The following METAP1 variants were observed in gnomAD, a reference collection of about 807,000 sequenced individuals.
The protein encoded by METAP1 is methionine aminopeptidase 1.
A neutral mutation model predicts 53.8 loss-of-function variants in METAP1; 28 were observed. That is an observed-to-expected ratio of 0.52 (90% CI 0.39 to 0.71). The LOEUF is 0.71. Ranked by LOEUF, METAP1 falls within the 30% of genes least tolerant of loss-of-function variation. METAP1 has a pLI of 0.00. For synonymous variants in METAP1, 181 were observed against 165.7 expected, an observed-to-expected ratio of 1.09 and a Z score of -0.71; for missense variants, 389 against 479.8, an observed-to-expected ratio of 0.81 and a Z score of 1.77.
At chr4:99,050,330 G>A (rs776385375) in intron 9 of METAP1, among the ~76,000 whole-genome samples, 53 of 152,208 alleles carry the variant, frequency 3.5e-4, no homozygotes, top group Non-Finnish European at 7.2e-4. Context: ...CAGAAGAATG[G>A]CATAATGAAG....
At chr4:99,008,717 G>A (rs1247865453) in intron 1 of METAP1, among the ~76,000 whole-genome samples, 1 of 152,138 alleles carries the variant, frequency 6.6e-6, no homozygotes, top group African/African-American at 2.4e-5. Context: ...CTATGTCTTG[G>A]TAGTGGTGTG....
intron 8 of METAP1, among the ~76,000 whole-genome samples, chr4:99,045,823 A>G (rs1195151757): frequency 6.6e-6 from 1 of 152,254 alleles, no homozygotes; most frequent in Admixed American, 6.5e-5. Flanking sequence ...AAATGGAATC[A>G]TAATATTTTT....
intron 1 of METAP1, among the ~76,000 whole-genome samples, chr4:99,011,103 A>G (rs1723444511): frequency 6.6e-6 from 1 of 152,018 alleles, no homozygotes; most frequent in South Asian, 2.1e-4. Context: ...TCATCTGTGA[A>G]CAGAGATAAT....
chr4:99,023,079 C>A (rs939800166), intron 1 of METAP1: 45 of 1,299,970 alleles, frequency 3.5e-5, no homozygotes, highest in Non-Finnish European at 4.6e-5. Context: ...TCTGGTCTGT[C>A]CCTTCCAGCG....
chr4:99,035,433 A>C lies in METAP1; in HGVS notation c.313A>C (p.Arg105=), dbSNP rs1044508252. Residue 105 remains arginine, a synonymous_variant, in exon 4 of 11, where the codon AGA becomes CGA. Transcript: ENST00000296411. ...AAGGCCAGTGCCAAGTTATATTCAAAGACCAGATTATGCTGATCATCCCTT... is the reference window on the plus strand; with the variant it reads ...AAGGCCAGTGCCAAGTTATATTCAACGACCAGATTATGCTGATCATCCCTT... ...PTRPVPSYIQ[R]PDYADHPLGM... The C allele has an allele frequency of 1.7e-5, 26 of 1,548,896 alleles. No individual in the cohort carries two copies. The African/African-American group carries it at 2.6e-4, about 16-fold the overall frequency.
At chr4:99,017,833 A>G (rs1447140310) in intron 1 of METAP1, among the ~76,000 whole-genome samples, 1 of 152,246 alleles carries the variant, frequency 6.6e-6, no homozygotes, top group African/African-American at 2.4e-5. Flanking sequence ...GGGGACAGCC[A>G]CTGGCAACTG....
chr4:98,997,080 A>T (rs1171380436), intron 1 of METAP1, among the ~76,000 whole-genome samples: 2 of 152,206 alleles, frequency 1.3e-5, no homozygotes, highest in African/African-American at 4.8e-5. Flanking sequence ...AAAGTCCTTT[A>T]TTTTTTAAAG....
intron 1 of METAP1, among the ~76,000 whole-genome samples, chr4:98,997,177 T>G (rs112431785): frequency 0.021 from 3,133 of 152,324 alleles, 53 homozygotes; most frequent in Non-Finnish European, 0.032. Flanking sequence ...ATAATAAAAG[T>G]GTTTTCCAAC....
At chr4:99,044,702 T>A (rs1173550315) in intron 7 of METAP1, among the ~76,000 whole-genome samples, 1 of 152,072 alleles carries the variant, frequency 6.6e-6, no homozygotes, top group Non-Finnish European at 1.5e-5. Flanking sequence ...AAGAGAAGAA[T>A]GAATATTCAC....
At chr4:99,058,774 G>A (rs1727328211) in intron 10 of METAP1, among the ~76,000 whole-genome samples, 2 of 152,248 alleles carry the variant, frequency 1.3e-5, no homozygotes, top group African/African-American at 2.4e-5. Flanking sequence ...CTGCATGCCA[G>A]GAGGCTGGGG....
At chr4:99,052,351 T>A (rs928448260) in intron 9 of METAP1, among the ~76,000 whole-genome samples, 6 of 152,182 alleles carry the variant, frequency 3.9e-5, no homozygotes, top group African/African-American at 1.4e-4. Flanking sequence ...GGTAGAATTC[T>A]TGTTAGAACC....
At chr4:99,022,717 A>T (rs969986916) in intron 1 of METAP1, 2 of 1,533,980 alleles carry the variant, frequency 1.3e-6, no homozygotes, top group Non-Finnish European at 8.9e-7. Flanking sequence ...ATAGGTCATA[A>T]TGGGAGGGGC....
At chr4:99,033,241 A>G (rs1725176672) in intron 2 of METAP1, among the ~76,000 whole-genome samples, 1 of 151,816 alleles carries the variant, frequency 6.6e-6, no homozygotes, top group Non-Finnish European at 1.5e-5. Context: ...ATTGTTTAAG[A>G]GGGGAGTTTT....
intron 10 of METAP1, among the ~76,000 whole-genome samples, chr4:99,060,571 G>A (rs1413158963): frequency 2.0e-5 from 3 of 151,994 alleles, no homozygotes; most frequent in Non-Finnish European, 4.4e-5. Context: ...CACTGTGTTA[G>A]CTAGGATGGT....
intron 1 of METAP1, among the ~76,000 whole-genome samples, chr4:99,006,084 T>G (rs1723164367): frequency 1.3e-5 from 2 of 152,244 alleles, no homozygotes; most frequent in Admixed American, 6.5e-5. Context: ...TAGGACTTGT[T>G]GTTAACAGAC....
intron 2 of METAP1, 53 bp downstream of exon 2, chr4:99,028,971 C>A: frequency 1.6e-6 from 2 of 1,224,734 alleles, no homozygotes; most frequent in Admixed American, 2.3e-5. Context: ...GGCATTTGTG[C>A]CAGAAAACAA....
At chr4:99,011,429 T>C (rs1316909818) in intron 1 of METAP1, among the ~76,000 whole-genome samples, 2 of 152,256 alleles carry the variant, frequency 1.3e-5, no homozygotes, top group Admixed American at 6.5e-5. Flanking sequence ...GTGATTTTTA[T>C]CCTTCATTCT....
At chr4:98,997,841 T>G (rs1722710051) in intron 1 of METAP1, among the ~76,000 whole-genome samples, 1 of 152,216 alleles carries the variant, frequency 6.6e-6, no homozygotes, top group Non-Finnish European at 1.5e-5. Context: ...AACTGTCTCT[T>G]TTTCTTCATT....
intron 1 of METAP1, among the ~76,000 whole-genome samples, chr4:99,011,090 A>G (rs910876322): frequency 6.6e-6 from 1 of 151,932 alleles, no homozygotes; most frequent in African/African-American, 2.4e-5. Context: ...GTATAAGATC[A>G]TGTCATCTGT....
Sources: gnomAD v4.1 joint callset for allele counts (sites outside exome capture counted in the v4.1 genomes callset) on GRCh38, gnomAD v4.1.1 for gene constraint, MANE v1.5 for transcripts, NCBI Gene and HGNC (gene_info 2026-07-23, HGNC 2026-07-21) for gene names.